The following FARSB variants were observed in gnomAD, a reference collection of about 807,000 sequenced individuals.
The protein encoded by FARSB is phenylalanine--tRNA ligase beta subunit.
FARSB carries 40 observed loss-of-function variants against 69.6 expected under a neutral mutation model. The ratio of observed to expected loss-of-function variants is 0.57; its 90% CI spans 0.45 to 0.75. The LOEUF (loss-of-function observed/expected upper bound fraction) is 0.75, where lower values mean the gene tolerates loss of function less well. Ranked by LOEUF, FARSB falls within the 30% of genes least tolerant of loss-of-function variation. FARSB has a pLI of 0.00. For missense variants in FARSB, 632 were observed against 722.9 expected (o/e 0.87, Z 1.44); for synonymous variants, 235 against 247.2 (o/e 0.95, Z 0.46).
chr2:222,653,185 G>A (rs571979397), intron 1 of FARSB, among the ~76,000 whole-genome samples: 2 of 152,280 alleles, frequency 1.3e-5, no homozygotes, highest in African/African-American at 4.8e-5. Flanking sequence ...CCGTTGAAAA[G>A]GTAGACTAAG....
intron 2 of FARSB, 137 bp from the exon 3 acceptor site, chr2:222,643,142 C>T (rs569186303): frequency 3.8e-5 from 19 of 497,484 alleles, no homozygotes; most frequent in East Asian, 2.4e-4. Flanking sequence ...ATTATATCCA[C>T]GACAAAAACA....
At chr2:222,650,936 A>G (rs1345367561) in intron 1 of FARSB, among the ~76,000 whole-genome samples, 1 of 152,226 alleles carries the variant, frequency 6.6e-6, no homozygotes, top group Non-Finnish European at 1.5e-5. Context: ...ACAGACTACT[A>G]ATACTTTGGA....
chr2:222,645,304 A>G (rs1468279366), intron 2 of FARSB, among the ~76,000 whole-genome samples: 2 of 152,170 alleles, frequency 1.3e-5, no homozygotes, highest in African/African-American at 4.8e-5. Context: ...CCAGTCCAAC[A>G]CTCTTAGATA....
intron 5 of FARSB, among the ~76,000 whole-genome samples, chr2:222,638,006 T>A (rs1224662041): frequency 1.3e-5 from 2 of 148,434 alleles, no homozygotes; most frequent in East Asian, 2.0e-4. Context: ...AACAAAAAGA[T>A]CAATAAAACT....
chr2:222,587,129 T>G (rs1394389259), intron 16 of FARSB, among the ~76,000 whole-genome samples: 1 of 152,168 alleles, frequency 6.6e-6, no homozygotes, highest in African/African-American at 2.4e-5. Context: ...TCAGCAAATG[T>G]AAAAGAACAG....
At chr2:222,605,262 C>G (rs1690675305) in intron 15 of FARSB, among the ~76,000 whole-genome samples, 1 of 151,642 alleles carries the variant, frequency 6.6e-6, no homozygotes, top group Non-Finnish European at 1.5e-5. Flanking sequence ...ACTAAATTAT[C>G]CCTTTCATAC....
intron 1 of FARSB, 110 bp downstream of exon 1, chr2:222,655,906 C>T: frequency 1.1e-6 from 1 of 902,442 alleles, no homozygotes; most frequent in Non-Finnish European, 1.8e-6. Context: ...CCCCGGCCTC[C>T]CGGAGCCAAA....
intron 16 of FARSB, among the ~76,000 whole-genome samples, chr2:222,585,310 A>C (rs2106184119): frequency 6.6e-6 from 1 of 152,344 alleles, no homozygotes; most frequent in African/African-American, 2.4e-5. Flanking sequence ...TAACGAACAG[A>C]AAGGAATAGC....
intron 15 of FARSB, among the ~76,000 whole-genome samples, chr2:222,604,722 A>ATTTTTTTTTTTTTTTTTTTTTTT (rs56201038): frequency 3.6e-5 from 4 of 110,716 alleles, no homozygotes; most frequent in Non-Finnish European, 5.3e-5. Context: ...TGCCCACTGA[A>ATTTTTTTTTTTTTTTTTTTTTTT]TTTTTTTTTT....
intron 10 of FARSB, among the ~76,000 whole-genome samples, chr2:222,627,476 C>T (rs1359046139): frequency 6.6e-6 from 1 of 152,182 alleles, no homozygotes; most frequent in Non-Finnish European, 1.5e-5. Flanking sequence ...CAACTGACTA[C>T]ATATGGGTAA....
At chr2:222,639,988 A>G (rs975882548) in intron 4 of FARSB, among the ~76,000 whole-genome samples, 1 of 152,246 alleles carries the variant, frequency 6.6e-6, no homozygotes, top group Non-Finnish European at 1.5e-5. Context: ...AAAATCTTTT[A>G]AAATTTCATT....
At chr2:222,603,348 T>C (rs1198207130) in intron 15 of FARSB, among the ~76,000 whole-genome samples, 1 of 152,138 alleles carries the variant, frequency 6.6e-6, no homozygotes, top group Non-Finnish European at 1.5e-5. Context: ...TTTTATCTTC[T>C]AGATATCCAA....
Position 222,613,919 on chromosome 2 carries a change from T to C in FARSB, c.1354A>G (p.Thr452Ala), listed in dbSNP as rs372366206. The change falls in exon 15 of 17, where the codon ACT becomes GCT. Residue 452 changes from threonine to alanine, a missense_variant. Thr to Ala is a moderately conservative substitution (Grantham distance 58, BLOSUM62 0). Transcript: ENST00000281828. ...PKTAEFQVAR[T>A]TLLPGLLKTI... ...TTCAGGAGGCCAGGAAGAAGGGTAG[T>C]GCGTGCCACCTACAGGAAAAGACAT... 1.2e-6 allele frequency: 2 copies of C among 1,609,614 alleles called. No individual in the cohort carries two copies. The highest frequency in any genetic ancestry group is 1.3e-5 in the African/African-American group (1 of 74,822).
At chr2:222,626,615 A>G (rs1691281912) in intron 10 of FARSB, among the ~76,000 whole-genome samples, 1 of 152,218 alleles carries the variant, frequency 6.6e-6, no homozygotes, top group South Asian at 2.1e-4. Flanking sequence ...AGGTCTCTAT[A>G]TTACAAATAA....
chr2:222,580,007 G>A (rs1396945987), intron 16 of FARSB, among the ~76,000 whole-genome samples: 3 of 152,234 alleles, frequency 2.0e-5, no homozygotes, highest in African/African-American at 7.2e-5. Context: ...GTGACAGAAC[G>A]ACTTGCCACA....
chr2:222,613,013 A>G lies in FARSB; in HGVS notation c.1462+798T>C, dbSNP rs76660300. 9.1e-3 allele frequency among the ~76,000 whole-genome samples: 1,392 copies of G among 152,348 alleles called. 25 individuals carry two copies. The highest frequency in any genetic ancestry group is 0.032 in the African/African-American group (1,331 of 41,576). ...GCTAAACTAGAATGACATGATATCAAGTATGTTAAGACAATATGCATATAA... is the reference window on the plus strand; with the variant it reads ...GCTAAACTAGAATGACATGATATCAGGTATGTTAAGACAATATGCATATAA... On this transcript the variant is annotated intron_variant, in intron 15 of 16. Transcript: ENST00000281828.
Position 222,619,738 on chromosome 2 carries a change from C to T in FARSB, c.1252-1G>A. 1 of 1,531,708 alleles carries T rather than the reference C, an allele frequency of 6.5e-7. No individual in the cohort carries two copies. Among genetic ancestry groups the T allele is most frequent in the Non-Finnish European group, 9.0e-7 (1 of 1,106,230 alleles). 94.9% of individuals were successfully genotyped at this position (1,531,708 alleles called of 1,614,324 possible). On this transcript the variant is annotated splice_acceptor_variant, in intron 13 of 16. Coordinates refer to ENST00000281828, the MANE Select transcript of FARSB (RefSeq NM_005687.5). LOFTEE classifies it high-confidence loss of function. Reference sequence around the variant, plus strand: ...TATCAGCAATATCTTCTTGGGAGCACTGTGAAGTACACACAAAACAGATTA... The same window carrying T: ...TATCAGCAATATCTTCTTGGGAGCATTGTGAAGTACACACAAAACAGATTA...
At chr2:222,653,661 C>T (rs1692096655) in intron 1 of FARSB, among the ~76,000 whole-genome samples, 2 of 149,282 alleles carry the variant, frequency 1.3e-5, no homozygotes, top group Non-Finnish European at 3.0e-5. Context: ...GACAGGGTCT[C>T]ACTTTGTGGC....
intron 14 of FARSB, among the ~76,000 whole-genome samples, chr2:222,618,951 G>A (rs12614022): frequency 0.3 from 45,489 of 151,832 alleles, 7,552 homozygotes; most frequent in Non-Finnish European, 0.38. Context: ...AACCAGCCTC[G>A]CCAACATGGT....
Sources: allele counts gnomAD v4.1 joint callset (sites outside exome capture counted in the v4.1 genomes callset), GRCh38; gene constraint gnomAD v4.1.1; transcripts MANE v1.5; gene names NCBI Gene and HGNC (gene_info 2026-07-23, HGNC 2026-07-21).